BTG4: variants seen among roughly 807,000 people sequenced by gnomAD.
The protein encoded by BTG4 is protein BTG4.
A neutral mutation model predicts 19.3 loss-of-function variants in BTG4; 10 were observed. That is an observed-to-expected ratio of 0.52 (90% CI 0.32 to 0.88). The LOEUF (loss-of-function observed/expected upper bound fraction) is 0.88, where lower values mean the gene tolerates loss of function less well. BTG4 is among the 40% of genes least tolerant of loss of function. The pLI is 0.04. For synonymous variants in BTG4, 91 were observed against 95.7 expected, an observed-to-expected ratio of 0.95 and a Z score of 0.29; for missense variants, 238 against 281.9, an observed-to-expected ratio of 0.84 and a Z score of 1.11.
At chr11:111,447,578 G>A in the BTG4 span, among the ~76,000 whole-genome samples, 9 of 152,262 alleles carry the variant, frequency 5.9e-5, no homozygotes, top group African/African-American at 2.2e-4. Flanking sequence ...GCACACGCAT[G>A]CACACACACC....
At chr11:111,412,087 A>G in the BTG4 span, among the ~76,000 whole-genome samples, 2 of 152,252 alleles carry the variant, frequency 1.3e-5, no homozygotes, top group Non-Finnish European at 2.9e-5. Context: ...TAATTGGACC[A>G]GAAATGAGAG....
chr11:111,392,758 G>A, the BTG4 span, among the ~76,000 whole-genome samples: 1 of 152,156 alleles, frequency 6.6e-6, no homozygotes, highest in Admixed American at 6.5e-5. Context: ...CCTGCACAGT[G>A]GTAACATAGT....
intron 1 of BTG4, among the ~76,000 whole-genome samples, chr11:111,501,261 G>C (rs1377518272): frequency 4.6e-5 from 7 of 152,086 alleles, no homozygotes; most frequent in Admixed American, 4.6e-4. Context: ...CTACTCGAAA[G>C]GCTGAGGTGG....
the BTG4 span, among the ~76,000 whole-genome samples, chr11:111,389,411 C>T: frequency 1.3e-5 from 2 of 152,288 alleles, no homozygotes; most frequent in South Asian, 4.2e-4. Flanking sequence ...GCAGTCAATT[C>T]AATTAAGGAT....
the BTG4 span, among the ~76,000 whole-genome samples, chr11:111,434,343 T>C: frequency 6.6e-6 from 1 of 151,634 alleles, no homozygotes; most frequent in Non-Finnish European, 1.5e-5. Context: ...TAAGTGGGAG[T>C]TGAACAATAA....
chr11:111,500,108 C>A (rs1452085991), intron 1 of BTG4, among the ~76,000 whole-genome samples: 1 of 151,686 alleles, frequency 6.6e-6, no homozygotes. Flanking sequence ...CACCACTGCA[C>A]TCCAGACTGG....
intron 5 of BTG4, among the ~76,000 whole-genome samples, chr11:111,482,163 T>C (rs1864779102): frequency 6.6e-6 from 1 of 152,030 alleles, no homozygotes; most frequent in Non-Finnish European, 1.5e-5. Flanking sequence ...AAAAATCACC[T>C]GTATTTCTAT....
intron 5 of BTG4, among the ~76,000 whole-genome samples, chr11:111,474,292 C>T (rs923513483): frequency 3.3e-5 from 5 of 152,142 alleles, no homozygotes; most frequent in Non-Finnish European, 7.4e-5. Flanking sequence ...AGCCCCAGAT[C>T]AAGAAATAGA....
chr11:111,464,663 T>C (rs1319649341), downstream of BTG4: 1 of 152,366 alleles, frequency 6.6e-6, no homozygotes, highest in South Asian at 2.1e-4. Context: ...AAAATAAGTG[T>C]ATCACAAACC....
At chr11:111,434,172 T>A in the BTG4 span, among the ~76,000 whole-genome samples, 1 of 152,174 alleles carries the variant, frequency 6.6e-6, no homozygotes, top group Admixed American at 6.5e-5. Context: ...AATGATAGAC[T>A]GGATAAAGAA....
intron 1 of BTG4, among the ~76,000 whole-genome samples, chr11:111,499,716 G>T (rs1865952505): frequency 6.6e-6 from 1 of 152,114 alleles, no homozygotes; most frequent in African/African-American, 2.4e-5. Flanking sequence ...TCATTATGTT[G>T]ACTACACATT....
the BTG4 span, among the ~76,000 whole-genome samples, chr11:111,460,564 G>A: frequency 6.6e-6 from 1 of 151,926 alleles, no homozygotes. Context: ...GCTCAGGGGA[G>A]GGCATCTCAA....
the BTG4 span, chr11:111,385,598 G>A: frequency 6.6e-6 from 1 of 151,866 alleles, no homozygotes; most frequent in South Asian, 2.1e-4. Context: ...TAATATGTAA[G>A]ATTTATCCCA....
the BTG4 span, among the ~76,000 whole-genome samples, chr11:111,395,764 C>G: frequency 6.6e-6 from 1 of 152,350 alleles, no homozygotes; most frequent in Admixed American, 6.5e-5. Flanking sequence ...GCCCTCAGTC[C>G]AGGCAGCCCC....
the BTG4 span, chr11:111,454,921 G>A: frequency 9.0e-6 from 4 of 445,080 alleles, no homozygotes; most frequent in East Asian, 1.4e-4. Context: ...GGGTGGCTCC[G>A]GGAACAGAGT....
chr11:111,411,944 A>T, the BTG4 span, among the ~76,000 whole-genome samples: 2 of 152,236 alleles, frequency 1.3e-5, no homozygotes. Flanking sequence ...CCAGAAGGTC[A>T]TCCAGTAAAG....
the BTG4 span, among the ~76,000 whole-genome samples, chr11:111,446,624 A>AAC: frequency 0.092 from 13,517 of 146,846 alleles, 1,249 homozygotes; most frequent in African/African-American, 0.24. Context: ...GACACCAATA[A>AAC]ACACACACAC....
At chr11:111,470,338 T>C (rs981479081) in intron 5 of BTG4, among the ~76,000 whole-genome samples, 4 of 152,118 alleles carry the variant, frequency 2.6e-5, no homozygotes, top group African/African-American at 9.7e-5. Flanking sequence ...CCTGCCTCAG[T>C]GTTCCCAAAG....
chr11:111,447,737 T>C, the BTG4 span, among the ~76,000 whole-genome samples: 3 of 152,186 alleles, frequency 2.0e-5, no homozygotes, highest in African/African-American at 7.2e-5. Flanking sequence ...TTAAGTTGTC[T>C]GGGCCAAAGC....
Sources: gnomAD v4.1 joint callset for allele counts (sites outside exome capture counted in the v4.1 genomes callset) on GRCh38, gnomAD v4.1.1 for gene constraint, MANE v1.5 for transcripts, NCBI Gene and HGNC (gene_info 2026-07-23, HGNC 2026-07-21) for gene names.